Variants in IARS1 observed in about 807,000 individuals in gnomAD.
IARS1 encodes isoleucyl-tRNA synthetase 1.
In IARS1, 124 loss-of-function variants were observed where a neutral mutation model predicts 168.2. The ratio of observed to expected loss-of-function variants is 0.74; its 90% confidence interval spans 0.64 to 0.86. IARS1 has a LOEUF of 0.86. Ranked by LOEUF, IARS1 falls within the 40% of genes least tolerant of loss-of-function variation. The pLI is 0.00. For synonymous variants in IARS1, 532 were observed against 529.4 expected (o/e 1.00, Z -0.07); for missense variants, 1,452 against 1,515.8 (o/e 0.96, Z 0.70).
At chr9:92,216,527 C>T (rs1380462802) in intron 33 of IARS1, among the ~76,000 whole-genome samples, 3 of 119,404 alleles carry the variant, frequency 2.5e-5, no homozygotes, top group Admixed American at 9.3e-5. Context: ...TCAGGAAACC[C>T]ATCTCATGTG....
At chr9:92,227,538 C>A (rs1457977354) in intron 31 of IARS1, among the ~76,000 whole-genome samples, 1 of 150,494 alleles carries the variant, frequency 6.6e-6, no homozygotes, top group Non-Finnish European at 1.5e-5. Context: ...ACCTCCCGGA[C>A]GGGGCGGCTG....
chr9:92,238,452 C>T (rs1827884035), intron 30 of IARS1, among the ~76,000 whole-genome samples: 1 of 152,130 alleles, frequency 6.6e-6, no homozygotes. Flanking sequence ...TTCTATCTTG[C>T]TCCCTCTCTT....
chr9:92,264,905 T>C, intron 16 of IARS1, 24 bp downstream of exon 16: 1 of 1,586,002 alleles, frequency 6.3e-7, no homozygotes. Context: ...ATAAAACACG[T>C]GATGAAAGAA....
intron 25 of IARS1, among the ~76,000 whole-genome samples, chr9:92,248,083 A>C (rs982645413): frequency 6.6e-6 from 1 of 152,244 alleles, no homozygotes; most frequent in East Asian, 1.9e-4. Context: ...ACAGTTGAGC[A>C]TAACAGAAAA....
chr9:92,211,341 A>T (rs1837722817), intron 33 of IARS1, among the ~76,000 whole-genome samples: 1 of 148,680 alleles, frequency 6.7e-6, no homozygotes, highest in Admixed American at 6.7e-5. Context: ...ATTATCCATG[A>T]CTCCAGGGTC....
rs538910341 is a variant in IARS1, at chr9:92,273,591, T to C, written c.990+835A>G. Among the ~76,000 whole-genome samples, 7 of 152,298 alleles carry C rather than the reference T, an allele frequency of 4.6e-5. No homozygotes were observed. The East Asian group carries it at 1.3e-3, about 29-fold the overall frequency. On this transcript the variant is annotated intron_variant, in intron 10 of 33. Transcript: ENST00000443024. ...TTTTCTTCTGTGTATGTTTCAAGATTTCCATAATAAAAATTCAAGTGATGG... is the reference window on the plus strand; with the variant it reads ...TTTTCTTCTGTGTATGTTTCAAGATCTCCATAATAAAAATTCAAGTGATGG...
intron 16 of IARS1, 25 bp downstream of exon 16, chr9:92,264,904 G>A (rs759818564): frequency 1.3e-5 from 21 of 1,581,944 alleles, no homozygotes; most frequent in South Asian, 2.3e-5. Context: ...AATAAAACAC[G>A]TGATGAAAGA....
At chr9:92,221,677 C>T (rs1320963871) in intron 33 of IARS1, among the ~76,000 whole-genome samples, 1 of 152,158 alleles carries the variant, frequency 6.6e-6, no homozygotes, top group Non-Finnish European at 1.5e-5. Context: ...AATAAGCTGC[C>T]TGACACCAGC....
At position 92,265,482 on chromosome 9, in the gene IARS1, C is replaced by T. The variant is rs767478965; in HGVS notation, c.1503G>A (p.Glu501=). Residue 501 remains glutamate (E), a splice_region_variant and synonymous_variant, in exon 15 of 34, where the codon GAG becomes GAA. Coordinates refer to ENST00000443024, the MANE Select transcript of IARS1 (RefSeq NM_002161.6). The stretch of plus-strand genomic sequence containing the variant: ...GAATCGAACATTTAGAAACTGACCT[C>T]TCTCTGTGGAGATCTGAGATCTTTG... The part of the protein sequence containing the change: ...SGAKISDLHR[E]SVDHLTIPSR... The T allele has an allele frequency of 1.2e-6, 2 of 1,613,388 alleles. No individual in the cohort carries two copies. Among genetic ancestry groups the T allele is most frequent in the East Asian group, 2.2e-5 (1 of 44,870 alleles).
chr9:92,222,738 C>T (rs923342113), intron 32 of IARS1, 66 bp from the exon 33 acceptor site: 7 of 1,554,398 alleles, frequency 4.5e-6, no homozygotes, highest in Admixed American at 1.7e-5. Flanking sequence ...AAAGAGGTGG[C>T]CACTGCGGAC....
intron 5 of IARS1, among the ~76,000 whole-genome samples, chr9:92,286,282 G>T (rs562198571): frequency 6.6e-6 from 1 of 152,150 alleles, no homozygotes; most frequent in South Asian, 2.1e-4. Flanking sequence ...CAAGAGAATC[G>T]CTTGAACCTG....
rs267602314 is a variant in IARS1, at chr9:92,280,849, T to G, written c.642A>C (p.Glu214Asp). 1.9e-6 allele frequency: 3 copies of G among 1,611,152 alleles called. No individual in the cohort carries two copies. The highest frequency in any genetic ancestry group is 2.5e-6 in the Non-Finnish European group (3 of 1,177,538). Residue 214 changes from glutamate to aspartate, a missense_variant, in exon 7 of 34, where the codon GAA becomes GAC. Physicochemically the swap from Glu to Asp is conservative, Grantham distance 45. Transcript: ENST00000443024. Reference protein sequence around the residue: ...PSVFVTFPLEEDETVSLVAWT... With the variant: ...PSVFVTFPLEDDETVSLVAWT... Reference sequence around the variant, plus strand: ...AAGCAACTAAAGATACAGTTTCATCTTCTTCCAAAGGGAAAGTTACAAATA... The same window carrying G: ...AAGCAACTAAAGATACAGTTTCATCGTCTTCCAAAGGGAAAGTTACAAATA...
In IARS1 at chr9:92,223,406, T is replaced by C. The variant is rs199610328; in HGVS notation, c.3493A>G (p.Ser1165Gly). Residue 1165 changes from serine (S) to glycine (G), a missense_variant, in exon 32 of 34, where the codon AGT (serine) becomes GGT (glycine). By Grantham distance (56) the Ser-to-Gly change is moderately conservative. Coordinates refer to ENST00000443024, the MANE Select transcript of IARS1 (RefSeq NM_002161.6). ...TAGSAPSLIN[S>G]SSTLLCQYIN... ...TACTGACAAAGAAGAGTACTAGAAC[T>C]GTTGATCAGAGAGGGAGCCGATCCT... 2.5e-6 allele frequency: 4 copies of C among 1,614,000 alleles called. No individual in the cohort carries two copies. The highest frequency in any genetic ancestry group is 4.5e-5 in the East Asian group (2 of 44,886).
In IARS1 at chr9:92,271,034, G is replaced by A. The variant is rs140292751; in HGVS notation, c.1156C>T (p.Arg386Ter). ...GTGAAGGTGGTGGCAACCAGAAGTCGGCCTTGTTCCTTCAAAGTCCTGATG... is the reference window on the plus strand; with the variant it reads ...GTGAAGGTGGTGGCAACCAGAAGTCAGCCTTGTTCCTTCAAAGTCCTGATG... ...SIIRTLKEQG[R>*]LLVATTFTHS... Residue 386 changes from arginine (R) to a stop codon, truncating the protein, a stop_gained, in exon 12 of 34, where the codon CGA becomes TGA. Transcript: ENST00000443024. LOFTEE classifies it high-confidence loss of function. The A allele has an allele frequency of 3.7e-6, 6 of 1,610,886 alleles. No individual in the cohort carries two copies. The highest frequency in any genetic ancestry group is 5.1e-6 in the Non-Finnish European group (6 of 1,178,490).
intron 12 of IARS1, among the ~76,000 whole-genome samples, chr9:92,270,412 A>G (rs1204722398): frequency 1.3e-5 from 2 of 152,232 alleles, no homozygotes; most frequent in Non-Finnish European, 1.5e-5. Flanking sequence ...CTCATCCTAA[A>G]AAAAATGTGG....
At chr9:92,228,287 C>CA in intron 31 of IARS1, among the ~76,000 whole-genome samples, 1 of 150,356 alleles carries the variant, frequency 6.7e-6, no homozygotes, top group East Asian at 1.9e-4. Context: ...AGGACATAAT[C>CA]TTTTTTTTTT....
chr9:92,222,146 C>T (rs1288094628), intron 33 of IARS1, among the ~76,000 whole-genome samples: 3 of 148,456 alleles, frequency 2.0e-5, no homozygotes, highest in Non-Finnish European at 4.5e-5. Flanking sequence ...GGTGAAACCC[C>T]GTCTCTACTA....
chr9:92,280,474 G>A (rs1208050586), intron 7 of IARS1, among the ~76,000 whole-genome samples: 1 of 152,140 alleles, frequency 6.6e-6, no homozygotes, highest in Admixed American at 6.6e-5. Context: ...TTCTTCATCT[G>A]TCACAGGGGC....
chr9:92,214,051 T>C (rs1174149361), intron 33 of IARS1, among the ~76,000 whole-genome samples: 1 of 151,856 alleles, frequency 6.6e-6, no homozygotes, highest in Non-Finnish European at 1.5e-5. Flanking sequence ...CCTCCCAAAG[T>C]GCTGGGATTA....
Sources: allele counts gnomAD v4.1 joint callset (sites outside exome capture counted in the v4.1 genomes callset), GRCh38; gene constraint gnomAD v4.1.1; transcripts MANE v1.5; gene names NCBI Gene and HGNC (gene_info 2026-07-23, HGNC 2026-07-21).